The following LRRC46 variants were observed in gnomAD, a reference collection of about 807,000 sequenced individuals.
The protein encoded by LRRC46 is leucine rich repeat containing 46, also known as leucine-rich repeat-containing protein 46.
A neutral mutation model predicts 28.0 loss-of-function variants in LRRC46; 20 were observed. That is an observed-to-expected ratio of 0.71 (90% CI 0.50 to 1.04). LRRC46 has a LOEUF of 1.04. Among genes scored for constraint, LRRC46 ranks in the 50% least tolerant of loss-of-function variants. The pLI is 0.00. For missense variants in LRRC46, 315 were observed against 390.1 expected (o/e 0.81, Z 1.62); for synonymous variants, 156 against 158.8 (o/e 0.98, Z 0.13).
rs1043512977 is a variant in LRRC46, at chr17:47,834,589, T to C, written c.225+56T>C. On this transcript the variant is annotated intron_variant, in intron 3 of 7. Coordinates refer to ENST00000269025, the MANE Select transcript of LRRC46 (RefSeq NM_033413.4). ...TTGACCCCTGTGGACCTAATCTGTC[T>C]CATCTGAAAGGAGCCAACCAGGTCA... 1.4e-5 allele frequency: 18 copies of C among 1,275,700 alleles called. No individual in the cohort carries two copies. In the African/African-American group the frequency reaches 2.7e-4, roughly 19 times the overall value. The allele number at this position is 1,275,700 out of a possible 1,614,324, so 79.0% of individuals were successfully genotyped here.
At position 47,837,265 on chromosome 17, in the gene LRRC46, G is replaced by A; in HGVS notation, c.*145G>A. 1 of 1,091,584 alleles carries A rather than the reference G, an allele frequency of 9.2e-7. No individual in the cohort carries two copies. 67.6% of individuals were successfully genotyped at this position (1,091,584 alleles called of 1,614,324 possible). On this transcript the variant is annotated 3_prime_UTR_variant, in exon 8 of 8. Coordinates refer to ENST00000269025, the MANE Select transcript of LRRC46 (RefSeq NM_033413.4). ...TCATGTCACTTGGGGTATCTCAGGG[G>A]AAGAAACCAGTGAAAGCTCCAGGAA...
At chr17:47,835,215 C>G (rs2033679084) in intron 3 of LRRC46, 138 bp from the exon 4 acceptor site, 3 of 883,990 alleles carry the variant, frequency 3.4e-6, no homozygotes, top group Non-Finnish European at 5.8e-6. Flanking sequence ...GCAACCTGTT[C>G]AAGGAGTGGG....
In LRRC46 at chr17:47,835,676, C is replaced by T; in HGVS notation, c.283C>T (p.Leu95=). The part of the protein sequence containing the change: ...ACIPSLRFLS[L]AGNQIRQVEN... ...TTCCTTCCCCTACAGCTTCCTGTCT[C>T]TGGCAGGAAACCAAATCAGGCAGGT... Residue 95 remains leucine (L), a synonymous_variant, in exon 5 of 8, where the codon CTG becomes TTG. Coordinates refer to ENST00000269025, the MANE Select transcript of LRRC46 (RefSeq NM_033413.4). 1 of 1,613,798 alleles carries T rather than the reference C, an allele frequency of 6.2e-7. No homozygotes were observed. Among genetic ancestry groups the T allele is most frequent in the Non-Finnish European group, 8.5e-7 (1 of 1,179,662 alleles).
chr17:47,836,336 G>C lies in LRRC46; in HGVS notation c.456G>C (p.Glu152Asp). ...NSCTNQDGYRELVTEALPLLL... is the reference protein window; with the variant it reads ...NSCTNQDGYRDLVTEALPLLL... ...CTCTGCTCCTTCTGCTCTGCAGCGAGCTGGTGACAGAAGCCCTGCCACTTC... is the reference window on the plus strand; with the variant it reads ...CTCTGCTCCTTCTGCTCTGCAGCGACCTGGTGACAGAAGCCCTGCCACTTC... Residue 152 changes from glutamate (E) to aspartate (D), a missense_variant, in exon 7 of 8, where the codon GAG becomes GAC. Coordinates refer to ENST00000269025, the MANE Select transcript of LRRC46 (RefSeq NM_033413.4). The surrounding 1 kb of genome is among the most constrained non-coding windows in gnomAD (Gnocchi z 5.8). 1 of 1,613,860 alleles carries C rather than the reference G, an allele frequency of 6.2e-7. No homozygotes were observed. Among genetic ancestry groups the C allele is most frequent in the South Asian group, 1.1e-5 (1 of 91,070 alleles).
At chr17:47,833,692 T>C (rs964791349) in intron 2 of LRRC46, among the ~76,000 whole-genome samples, 1 of 151,212 alleles carries the variant, frequency 6.6e-6, no homozygotes, top group African/African-American at 2.4e-5. Context: ...CCTCAGGCAA[T>C]CCACCCACCT....
chr17:47,836,318 C>T lies in LRRC46; in HGVS notation c.453-15C>T. 4 of 1,613,316 alleles carry T rather than the reference C, an allele frequency of 2.5e-6. No individual in the cohort carries two copies. Among genetic ancestry groups the T allele is most frequent in the South Asian group, 1.1e-5 (1 of 91,022 alleles). On this transcript the variant is annotated splice_polypyrimidine_tract_variant and intron_variant, in intron 6 of 7. Transcript: ENST00000269025. This position sits in a 1 kb window ranked among gnomAD's most constrained non-coding sequence, Gnocchi z 5.8. ...GGTGCCCTCCTGGGTAACCTCTGCT[C>T]CTTCTGCTCTGCAGCGAGCTGGTGA...
At chr17:47,835,485 C>T (rs1409029141) in intron 4 of LRRC46, 86 bp downstream of exon 4, 3 of 1,538,002 alleles carry the variant, frequency 2.0e-6, no homozygotes, top group African/African-American at 2.7e-5. Flanking sequence ...TTTCTCCAAG[C>T]CTGGGTCCTT....
Position 47,837,477 on chromosome 17 carries a change from C to T in LRRC46, c.*357C>T. 1 of 400,260 alleles carries T rather than the reference C, an allele frequency of 2.5e-6. No homozygotes were observed. The highest frequency in any genetic ancestry group is 4.5e-6 in the Non-Finnish European group (1 of 223,926). The allele number at this position is 400,260 out of a possible 1,614,324, so 24.8% of individuals were successfully genotyped here. ...CTGCCACCCCTAGCGAGTGCCCTTCCCCGGTCCAAGCCAAGGACCAAGGAG... is the reference window on the plus strand; with the variant it reads ...CTGCCACCCCTAGCGAGTGCCCTTCTCCGGTCCAAGCCAAGGACCAAGGAG... On this transcript the variant is annotated 3_prime_UTR_variant, in exon 8 of 8. Coordinates refer to ENST00000269025, the MANE Select transcript of LRRC46 (RefSeq NM_033413.4).
At chr17:47,835,979 C>A in intron 5 of LRRC46, 54 bp from the exon 6 acceptor site, 1 of 1,594,070 alleles carries the variant, frequency 6.3e-7, no homozygotes, top group Non-Finnish European at 8.6e-7. Context: ...GCTTCATGGT[C>A]TTTTGGCTAA....
chr17:47,832,119 A>C lies in LRRC46; in HGVS notation c.30A>C (p.Pro10=). MSGGKSAQG[P]EEGGVCITEA... ...TCACAGGGAAGTCAGCCCAGGGTCC[A>C]GAGGAAGGGGGCGTCTGCATCACTG... Residue 10 remains proline, a synonymous_variant, in exon 2 of 8, where the codon CCA becomes CCC. Transcript: ENST00000269025. 1 of 1,610,536 alleles carries C rather than the reference A, an allele frequency of 6.2e-7. No individual in the cohort carries two copies. The highest frequency in any genetic ancestry group is 8.5e-7 in the Non-Finnish European group (1 of 1,177,764).
chr17:47,836,527 G>A lies in LRRC46; in HGVS notation c.595+52G>A, dbSNP rs2143612863. 6.3e-7 allele frequency: 1 copy of A among 1,595,852 alleles called. No homozygotes were observed. Among genetic ancestry groups the A allele is most frequent in the South Asian group, 1.1e-5 (1 of 89,116 alleles). On this transcript the variant is annotated intron_variant, in intron 7 of 7. Coordinates refer to ENST00000269025, the MANE Select transcript of LRRC46 (RefSeq NM_033413.4). This position sits in a 1 kb window ranked among gnomAD's most constrained non-coding sequence, Gnocchi z 5.8. ...CCTCCCCAGAGCCCACCTCTGCCCTGTGGGACATGAGGGAAGCTAAGGTGG... is the reference window on the plus strand; with the variant it reads ...CCTCCCCAGAGCCCACCTCTGCCCTATGGGACATGAGGGAAGCTAAGGTGG...
intron 2 of LRRC46, chr17:47,834,050 G>A: frequency 2.0e-6 from 2 of 997,644 alleles, no homozygotes; most frequent in Non-Finnish European, 2.4e-6. Flanking sequence ...AAAGGAAGGT[G>A]AGGAAGGATC....
Position 47,837,680 on chromosome 17 carries a change from G to T in LRRC46, c.*560G>T. ...CCACCCCCACTGGTCCTGGGATAAA[G>T]TTCACTGAAGAGAAAATAAAGCACA... On this transcript the variant is annotated 3_prime_UTR_variant, in exon 8 of 8. Transcript: ENST00000269025. 1 of 902,808 alleles carries T rather than the reference G, an allele frequency of 1.1e-6. No homozygotes were observed. The highest frequency in any genetic ancestry group is 2.0e-5 in the South Asian group (1 of 49,810). 55.9% of individuals were successfully genotyped at this position (902,808 alleles called of 1,614,324 possible). A position where few individuals can be genotyped will look rare whatever the true frequency, so the allele number is the denominator to read the frequency against.
rs751287685 is a variant in LRRC46, at chr17:47,836,334, G to A, written c.454G>A (p.Glu152Lys). ...ACCTCTGCTCCTTCTGCTCTGCAGC[G>A]AGCTGGTGACAGAAGCCCTGCCACT... ...NSCTNQDGYR[E>K]LVTEALPLLL... Residue 152 changes from glutamate (E) to lysine (K), a missense_variant and splice_region_variant, in exon 7 of 8, where the codon GAG (glutamate) becomes AAG (lysine). By Grantham distance (56) the Glu-to-Lys change is moderately conservative. Transcript: ENST00000269025. The surrounding 1 kb of genome is among the most constrained non-coding windows in gnomAD (Gnocchi z 5.8). 7.4e-6 allele frequency: 12 copies of A among 1,613,648 alleles called. No homozygotes were observed. The highest frequency in any genetic ancestry group is 5.0e-5 in the Admixed American group (3 of 60,000).
Position 47,836,840 on chromosome 17 carries a change from T to G in LRRC46, c.686T>G (p.Met229Arg). The stretch of plus-strand genomic sequence containing the variant: ...ACAGAGCACCTGCTGAGGATGGAGA[T>G]GCAGCCCACCCTCACCGACCTGCCC... ...ALTEHLLRME[M>R]QPTLTDLPLL... is the part of the protein sequence containing the mutation. Residue 229 changes from methionine (M) to arginine (R), a missense_variant, in exon 8 of 8, where the codon ATG becomes AGG. By Grantham distance (91) the Met-to-Arg change is moderately conservative. Transcript: ENST00000269025. The surrounding 1 kb of genome is among the most constrained non-coding windows in gnomAD (Gnocchi z 5.8). 1 of 1,613,872 alleles carries G rather than the reference T, an allele frequency of 6.2e-7. No homozygotes were observed. The highest frequency in any genetic ancestry group is 8.5e-7 in the Non-Finnish European group (1 of 1,179,986).
chr17:47,836,520 C>CA lies in LRRC46; in HGVS notation c.595+45_595+46insA. ...TTTTCAGCCTCCCCAGAGCCCACCTCTGCCCTGTGGGACATGAGGGAAGCT... is the reference window on the plus strand; with the variant it reads ...TTTTCAGCCTCCCCAGAGCCCACCTCATGCCCTGTGGGACATGAGGGAAGCT... On this transcript the variant is annotated intron_variant, in intron 7 of 7. Transcript: ENST00000269025. The surrounding 1 kb of genome is among the most constrained non-coding windows in gnomAD (Gnocchi z 5.8). The CA allele has an allele frequency of 6.2e-7, 1 of 1,603,048 alleles. No individual in the cohort carries two copies. Among genetic ancestry groups the CA allele is most frequent in the Non-Finnish European group, 8.5e-7 (1 of 1,173,548 alleles).
chr17:47,836,238 A>G lies in LRRC46; in HGVS notation c.453-95A>G. ...CCACCTCCTACCTAGCTCATGAGCC[A>G]CCACCCCTCCGGGTGTGAGTGCTGT... On this transcript the variant is annotated intron_variant, in intron 6 of 7. Coordinates refer to ENST00000269025, the MANE Select transcript of LRRC46 (RefSeq NM_033413.4). This position sits in a 1 kb window ranked among gnomAD's most constrained non-coding sequence, Gnocchi z 5.8. 1 of 1,589,046 alleles carries G rather than the reference A, an allele frequency of 6.3e-7. No individual in the cohort carries two copies. The highest frequency in any genetic ancestry group is 8.6e-7 in the Non-Finnish European group (1 of 1,162,450).
Position 47,836,311 on chromosome 17 carries a change from C to T in LRRC46, c.453-22C>T. On this transcript the variant is annotated intron_variant, in intron 6 of 7. Transcript: ENST00000269025. This position sits in a 1 kb window ranked among gnomAD's most constrained non-coding sequence, Gnocchi z 5.8. ...ACGCCAGGGTGCCCTCCTGGGTAACCTCTGCTCCTTCTGCTCTGCAGCGAG... is the reference window on the plus strand; with the variant it reads ...ACGCCAGGGTGCCCTCCTGGGTAACTTCTGCTCCTTCTGCTCTGCAGCGAG... The T allele has an allele frequency of 6.2e-7, 1 of 1,612,950 alleles. No individual in the cohort carries two copies. The highest frequency in any genetic ancestry group is 8.5e-7 in the Non-Finnish European group (1 of 1,179,750).
chr17:47,832,630 A>C (rs1345768343), intron 2 of LRRC46, among the ~76,000 whole-genome samples: 3 of 152,348 alleles, frequency 2.0e-5, no homozygotes, highest in African/African-American at 7.2e-5. Flanking sequence ...GCAGTAAGCT[A>C]TGATCATGCC....
Sources: gnomAD v4.1 joint callset for allele counts (sites outside exome capture counted in the v4.1 genomes callset) on GRCh38, gnomAD v4.1.1 for gene constraint, Gnocchi (gnomAD v3.1) non-coding constraint, MANE v1.5 for transcripts, NCBI Gene and HGNC (gene_info 2026-07-23, HGNC 2026-07-21) for gene names.